The following RALGAPA1 variants were observed in gnomAD, a reference collection of about 807,000 sequenced individuals.
RALGAPA1 encodes Ral GTPase activating protein catalytic subunit alpha 1, also known as ral GTPase-activating protein subunit alpha-1.
In RALGAPA1, 52 loss-of-function variants were observed where a neutral mutation model predicts 269.6. The ratio of observed to expected loss-of-function variants is 0.19; its 90% CI spans 0.15 to 0.24. The LOEUF (loss-of-function observed/expected upper bound fraction) is 0.24. Among genes scored for constraint, RALGAPA1 ranks in the 10% least tolerant of loss-of-function variants. RALGAPA1 has a pLI of 1.00. For missense variants in RALGAPA1, 1,917 were observed against 3,013.9 expected (o/e 0.64, Z 8.52); for synonymous variants, 817 against 1,008.3 (o/e 0.81, Z 3.60).
At chr14:35,644,908 G>GTAAAA (rs902492625) in intron 31 of RALGAPA1, among the ~76,000 whole-genome samples, 19 of 152,112 alleles carry the variant, frequency 1.2e-4, no homozygotes, top group African/African-American at 4.1e-4. Flanking sequence ...GGAACTTAAA[G>GTAAAA]TAAAATAAAA....
chr14:35,669,253 T>C (rs2064202812), intron 26 of RALGAPA1, among the ~76,000 whole-genome samples: 1 of 151,880 alleles, frequency 6.6e-6, no homozygotes, highest in African/African-American at 2.4e-5. Context: ...CGGCAGGTTA[T>C]CTTTCTTTAT....
intron 35 of RALGAPA1, among the ~76,000 whole-genome samples, chr14:35,611,674 G>A (rs2139315101): frequency 6.6e-6 from 1 of 152,060 alleles, no homozygotes; most frequent in South Asian, 2.1e-4. Flanking sequence ...GTTCCAGGCT[G>A]CAGTGAGCTC....
intron 16 of RALGAPA1, among the ~76,000 whole-genome samples, chr14:35,721,486 G>A (rs1301915294): frequency 6.6e-6 from 1 of 152,064 alleles, no homozygotes; most frequent in African/African-American, 2.4e-5. Flanking sequence ...TAAAAATAAT[G>A]TCCAATAAAT....
chr14:35,716,025 A>T, intron 16 of RALGAPA1: 1 of 985,126 alleles, frequency 1.0e-6, no homozygotes, highest in Non-Finnish European at 1.2e-6. Context: ...TGCTGGCAAT[A>T]CGAGTCATGT....
At chr14:35,566,867 T>TTATATA (rs35308714) in intron 39 of RALGAPA1, among the ~76,000 whole-genome samples, 2 of 145,240 alleles carry the variant, frequency 1.4e-5, no homozygotes, top group African/African-American at 5.1e-5. Context: ...ACTTTGTACA[T>TTATATA]TATATATATA....
chr14:35,642,617 G>A (rs192826919), intron 31 of RALGAPA1, among the ~76,000 whole-genome samples: 2 of 151,922 alleles, frequency 1.3e-5, no homozygotes, highest in Non-Finnish European at 2.9e-5. Context: ...CAGTTAAAAC[G>A]GGTTTTATCC....
At chr14:35,636,544 A>G (rs1373411432) in intron 31 of RALGAPA1, among the ~76,000 whole-genome samples, 1 of 152,114 alleles carries the variant, frequency 6.6e-6, no homozygotes, top group Non-Finnish European at 1.5e-5. Flanking sequence ...TATTTTTGAG[A>G]CAGTCTTGCT....
At chr14:35,713,530 C>G (rs751691081) in intron 16 of RALGAPA1, among the ~76,000 whole-genome samples, 3 of 152,212 alleles carry the variant, frequency 2.0e-5, no homozygotes, top group Non-Finnish European at 4.4e-5. Flanking sequence ...GGTTACTCCC[C>G]TTCTCAATGA....
At chr14:35,546,135 T>C (rs1003157088) in intron 41 of RALGAPA1, among the ~76,000 whole-genome samples, 3 of 152,176 alleles carry the variant, frequency 2.0e-5, no homozygotes, top group Non-Finnish European at 4.4e-5. Flanking sequence ...ATCAGTCTAC[T>C]GCCACAGACA....
intron 35 of RALGAPA1, among the ~76,000 whole-genome samples, chr14:35,612,827 C>A (rs1240364338): frequency 6.6e-6 from 1 of 151,954 alleles, no homozygotes; most frequent in Non-Finnish European, 1.5e-5. Flanking sequence ...TGTGAGCCAC[C>A]GTGCCCGGCC....
chr14:35,808,854 A>G lies in RALGAPA1; in HGVS notation c.-19T>C, dbSNP rs769047815. On this transcript the variant is annotated 5_prime_UTR_variant, in exon 1 of 42. Coordinates refer to ENST00000680220, the MANE Select transcript of RALGAPA1 (RefSeq NM_001346249.2). ...AGAACATCCTGTCGCTGCCACTGCC[A>G]CTGCCACTGCCACAGCCGGCTCCCA... 27 of 1,599,842 alleles carry G rather than the reference A, an allele frequency of 1.7e-5. No homozygotes were observed. The African/African-American group carries it at 3.6e-4, about 21-fold the overall frequency.
chr14:35,767,995 G>A (rs955058095), intron 4 of RALGAPA1, among the ~76,000 whole-genome samples: 3 of 151,972 alleles, frequency 2.0e-5, no homozygotes, highest in Non-Finnish European at 2.9e-5. Flanking sequence ...GGCTGGTCTC[G>A]AACTCCCATG....
intron 21 of RALGAPA1, among the ~76,000 whole-genome samples, chr14:35,678,646 T>C (rs903035662): frequency 1.3e-5 from 2 of 152,180 alleles, no homozygotes; most frequent in East Asian, 3.8e-4. Context: ...GGCCCCTCAC[T>C]GGCCTCAGCA....
chr14:35,688,397 T>C, intron 18 of RALGAPA1, 62 bp downstream of exon 18: 2 of 1,529,110 alleles, frequency 1.3e-6, no homozygotes, highest in Non-Finnish European at 1.8e-6. Context: ...TTGCTTCAGT[T>C]GCATTAAGCC....
Position 35,725,091 on chromosome 14 carries a change from G to T in RALGAPA1, c.1799C>A (p.Ala600Asp). 6.2e-7 allele frequency: 1 copy of T among 1,609,062 alleles called. No homozygotes were observed. Among genetic ancestry groups the T allele is most frequent in the South Asian group, 1.1e-5 (1 of 90,276 alleles). ...TTTTTTCCCTTGGAACTGTAGAAAA[G>T]CTTGTGATGGCATCTTCAGTACAGA... ...TESVLKMPSQ[A>D]FLQFQGKKNM... Residue 600 changes from alanine to aspartate, a missense_variant, in exon 14 of 42, where the codon GCT becomes GAT. Around this residue, in one of 11 missense-constraint regions of RALGAPA1, gnomAD observed 462 missense variants for 725.6 expected, o/e 0.64. Transcript: ENST00000680220.
At position 35,784,533 on chromosome 14, in the gene RALGAPA1, C is replaced by A. The variant is rs530435240; in HGVS notation, c.107-8788G>T. On this transcript the variant is annotated intron_variant, in intron 1 of 41. Transcript: ENST00000680220. Reference sequence around the variant, plus strand: ...TCTTTTCCTTTTTTGCTGATCTATTCCTTTTAGCTCATCTAATATTCAACC... The same window carrying A: ...TCTTTTCCTTTTTTGCTGATCTATTACTTTTAGCTCATCTAATATTCAACC... 2.0e-5 allele frequency among the ~76,000 whole-genome samples: 3 copies of A among 152,152 alleles called. No homozygotes were observed. The South Asian group carries it at 6.2e-4, about 32-fold the overall frequency.
At chr14:35,648,465 C>CAA (rs11463848) in intron 31 of RALGAPA1, among the ~76,000 whole-genome samples, 61 of 122,384 alleles carry the variant, frequency 5.0e-4, no homozygotes, top group South Asian at 2.0e-3. Flanking sequence ...AACTCCATCT[C>CAA]AAAAAAAAAA....
intron 21 of RALGAPA1, 58 bp downstream of exon 21, chr14:35,683,751 A>G: frequency 7.5e-7 from 1 of 1,339,774 alleles, no homozygotes; most frequent in Non-Finnish European, 1.0e-6. Flanking sequence ...ATTTTAATCA[A>G]ATTCTTTGAA....
chr14:35,568,739 C>T (rs2056918375), intron 39 of RALGAPA1, among the ~76,000 whole-genome samples: 1 of 152,160 alleles, frequency 6.6e-6, no homozygotes, highest in Non-Finnish European at 1.5e-5. Context: ...ATAGTTCCTC[C>T]TAATGCTTCA....
Sources: allele counts gnomAD v4.1 joint callset (sites outside exome capture counted in the v4.1 genomes callset), GRCh38; gene constraint gnomAD v4.1.1; regional missense constraint gnomAD v4.1.1; transcripts MANE v1.5; gene names NCBI Gene and HGNC (gene_info 2026-07-23, HGNC 2026-07-21).